Variants in PAFAH1B1 observed in about 807,000 individuals in gnomAD.
The protein encoded by PAFAH1B1 is platelet-activating factor acetylhydrolase IB subunit beta.
In PAFAH1B1, 2 loss-of-function variants were observed where a neutral mutation model predicts 57.5. That is an observed-to-expected ratio of 0.03 (90% CI 0.01 to 0.11). The LOEUF is 0.11. PAFAH1B1 is among the 10% of genes least tolerant of loss of function. PAFAH1B1 has a pLI of 1.00. For missense variants in PAFAH1B1, 257 were observed against 512.0 expected (o/e 0.50, Z 4.81); for synonymous variants, 152 against 169.6 (o/e 0.90, Z 0.81).
chr17:2,624,993 A>C (rs1381006649), intron 1 of PAFAH1B1, among the ~76,000 whole-genome samples: 1 of 151,086 alleles, frequency 6.6e-6, no homozygotes, highest in Non-Finnish European at 1.5e-5. Flanking sequence ...TTGCGCCTCT[A>C]CTGTTAACAT....
Position 2,674,272 on chromosome 17 carries a change from A to T in PAFAH1B1, c.884A>T (p.Glu295Val). Reference protein sequence around the residue: ...APESSYSSISEATGSETKKSG... With the variant: ...APESSYSSISVATGSETKKSG... ...GAAAGCTCATATTCCTCCATCTCTG[A>T]AGCAACAGGATCTGAGGTACTGTAT... The change falls in exon 8 of 11, where the codon GAA becomes GTA. Residue 295 changes from glutamate to valine, a missense_variant. By Grantham distance (121) the Glu-to-Val change is moderately radical. Transcript: ENST00000397195. The T allele has an allele frequency of 6.2e-7, 1 of 1,612,032 alleles. No homozygotes were observed. Among genetic ancestry groups the T allele is most frequent in the South Asian group, 1.1e-5 (1 of 91,042 alleles).
In PAFAH1B1 at chr17:2,664,665, G is replaced by GCTCGCTCTCTCTCTCTCTCTCT. The variant is rs1555526142; in HGVS notation, c.33-704_33-703insGCTCTCTCTCTCTCTCTCTCTC. Among the ~76,000 whole-genome samples, 24 of 86,016 alleles carry GCTCGCTCTCTCTCTCTCTCTCT rather than the reference G, an allele frequency of 2.8e-4. 1 individual carries two copies. The highest frequency in any genetic ancestry group is 8.6e-4 in the African/African-American group (22 of 25,582). The allele number at this position is 86,016 out of a possible 152,430, so 56.4% of individuals were successfully genotyped here. ...TGATATATATCTATATCTATCTATC[G>GCTCGCTCTCTCTCTCTCTCTCT]CTCTCTCTCTCTCTCTCTCTCTCTC... On this transcript the variant is annotated intron_variant, in intron 2 of 10. Transcript: ENST00000397195.
chr17:2,608,853 C>T (rs532393616), intron 1 of PAFAH1B1, among the ~76,000 whole-genome samples: 16 of 152,294 alleles, frequency 1.1e-4, no homozygotes, highest in Admixed American at 3.3e-4. Flanking sequence ...ATTTATGCTT[C>T]GAGCTGAATA....
chr17:2,647,996 T>A (rs990509050), intron 2 of PAFAH1B1, among the ~76,000 whole-genome samples: 4 of 151,968 alleles, frequency 2.6e-5, no homozygotes, highest in Non-Finnish European at 4.4e-5. Context: ...AGAGTGAGAC[T>A]CTCTCAAAAT....
intron 9 of PAFAH1B1, chr17:2,679,668 G>A (rs1457525948): frequency 6.4e-6 from 1 of 156,130 alleles, no homozygotes; most frequent in Admixed American, 6.3e-5. Context: ...ATGGATGGAT[G>A]GATATATAGA....
At chr17:2,636,035 G>A (rs982540075) in intron 1 of PAFAH1B1, among the ~76,000 whole-genome samples, 1 of 151,904 alleles carries the variant, frequency 6.6e-6, no homozygotes, top group East Asian at 1.9e-4. Context: ...AGCCCAGCTT[G>A]GTTGAGGCTG....
intron 1 of PAFAH1B1, among the ~76,000 whole-genome samples, chr17:2,637,267 C>T (rs2068636852): frequency 6.6e-6 from 1 of 152,084 alleles, no homozygotes; most frequent in African/African-American, 2.4e-5. Context: ...CCAGTAGCCT[C>T]TATTTTAAGT....
At chr17:2,619,951 A>T (rs1597524504) in intron 1 of PAFAH1B1, among the ~76,000 whole-genome samples, 1 of 151,644 alleles carries the variant, frequency 6.6e-6, no homozygotes, top group South Asian at 2.1e-4. Flanking sequence ...GCTAATTATT[A>T]TTTTTTTATT....
intron 2 of PAFAH1B1, among the ~76,000 whole-genome samples, chr17:2,654,335 A>T (rs1449120458): frequency 6.6e-6 from 1 of 151,494 alleles, no homozygotes; most frequent in Non-Finnish European, 1.5e-5. Context: ...GATTACAGGC[A>T]CGCACCATCA....
rs2069463502 is a variant in PAFAH1B1, at chr17:2,685,579, G to A, written c.*3777G>A. 6.8e-6 allele frequency: 1 copy of A among 146,692 alleles called. No individual in the cohort carries two copies. Among genetic ancestry groups the A allele is most frequent in the African/African-American group, 2.5e-5 (1 of 39,400 alleles). 9.1% of individuals were successfully genotyped at this position (146,692 alleles called of 1,614,324 possible). A position where few individuals can be genotyped will look rare whatever the true frequency, so the allele number is the denominator to read the frequency against. On this transcript the variant is annotated 3_prime_UTR_variant, in exon 11 of 11. Transcript: ENST00000397195. ...TTTCTGCATATTAAAAAATCTTATTGTACCAACTGGTAAACTATTAAATGC... is the reference window on the plus strand; with the variant it reads ...TTTCTGCATATTAAAAAATCTTATTATACCAACTGGTAAACTATTAAATGC...
intron 1 of PAFAH1B1, among the ~76,000 whole-genome samples, chr17:2,626,400 T>C (rs1450300985): frequency 1.3e-5 from 2 of 152,072 alleles, no homozygotes; most frequent in East Asian, 3.8e-4. Flanking sequence ...CAAAAATACA[T>C]GTTAAAGGTT....
chr17:2,620,908 A>G (rs1444900726), intron 1 of PAFAH1B1, among the ~76,000 whole-genome samples: 30 of 152,306 alleles, frequency 2.0e-4, no homozygotes, highest in Admixed American at 2.0e-3. Context: ...TCAGATTTTA[A>G]TTCACTAAAT....
chr17:2,634,803 A>G (rs1014487168), intron 1 of PAFAH1B1, among the ~76,000 whole-genome samples: 12 of 152,174 alleles, frequency 7.9e-5, no homozygotes, highest in Non-Finnish European at 1.5e-4. Context: ...TACTTGTCAC[A>G]TTATTCACGC....
intron 2 of PAFAH1B1, chr17:2,638,577 G>T: frequency 2.4e-6 from 1 of 408,798 alleles, no homozygotes; most frequent in Non-Finnish European, 4.4e-6. Flanking sequence ...GCGCCATCTC[G>T]GCTCACTTCA....
Position 2,670,261 on chromosome 17 carries a change from T to A in PAFAH1B1, c.498T>A (p.Ala166=). The change falls in exon 6 of 11, where the codon GCT becomes GCA. Residue 166 remains alanine (A), a synonymous_variant. Coordinates refer to ENST00000397195, the MANE Select transcript of PAFAH1B1 (RefSeq NM_000430.4). The stretch of plus-strand genomic sequence containing the variant: ...TCGACCACAGCGGCAAGCTTCTGGC[T>A]TCCTGTTCTGCAGATATGACCATTA... ...ISFDHSGKLL[A]SCSADMTIKL... The A allele has an allele frequency of 2.5e-6, 4 of 1,614,206 alleles. No individual in the cohort carries two copies. The highest frequency in any genetic ancestry group is 3.4e-6 in the Non-Finnish European group (4 of 1,180,018).
At chr17:2,626,555 C>T (rs1425447161) in intron 1 of PAFAH1B1, among the ~76,000 whole-genome samples, 5 of 19,278 alleles carry the variant, frequency 2.6e-4, no homozygotes, top group African/African-American at 5.2e-4. Flanking sequence ...ACCTTTCTTC[C>T]CCCCCCCCCC....
At chr17:2,598,108 G>A (rs1226763262) in intron 1 of PAFAH1B1, among the ~76,000 whole-genome samples, 3 of 152,020 alleles carry the variant, frequency 2.0e-5, no homozygotes, top group Admixed American at 6.6e-5. Flanking sequence ...AATTAGCCGG[G>A]CATGGTGGCG....
At chr17:2,605,443 C>T (rs2068193927) in intron 1 of PAFAH1B1, among the ~76,000 whole-genome samples, 1 of 152,168 alleles carries the variant, frequency 6.6e-6, no homozygotes, top group Non-Finnish European at 1.5e-5. Context: ...ATGCAAAGAA[C>T]ACAATGGCAA....
chr17:2,594,146 G>T (rs935205757), intron 1 of PAFAH1B1, 140 bp downstream of exon 1: 17 of 393,272 alleles, frequency 4.3e-5, no homozygotes, highest in Non-Finnish European at 6.7e-5. Context: ...CTCCGCCGCC[G>T]CCTCCTCCTT....
Sources: gnomAD v4.1 joint callset for allele counts (sites outside exome capture counted in the v4.1 genomes callset) on GRCh38, gnomAD v4.1.1 for gene constraint, MANE v1.5 for transcripts, NCBI Gene and HGNC (gene_info 2026-07-23, HGNC 2026-07-21) for gene names.